Variants in KDM4C observed in about 807,000 individuals in gnomAD.
KDM4C encodes lysine-specific demethylase 4C.
Under a neutral mutation model 129.3 loss-of-function variants are expected in KDM4C, and 81 were observed. The ratio of observed to expected loss-of-function variants is 0.63; its 90% confidence interval spans 0.52 to 0.75. The LOEUF is 0.75. KDM4C is among the 30% of genes least tolerant of loss of function. The probability of loss-of-function intolerance (pLI) is 0.00; values close to 1 mark genes in which losing one functional copy is unlikely to be tolerated. For synonymous variants in KDM4C, 573 were observed against 456.1 expected, an observed-to-expected ratio of 1.26 and a Z score of -3.26; for missense variants, 1,457 against 1,304.0, an observed-to-expected ratio of 1.12 and a Z score of -1.81.
chr9:6,784,389 T>C (rs1431774303), intron 1 of KDM4C, among the ~76,000 whole-genome samples: 1 of 152,132 alleles, frequency 6.6e-6, no homozygotes. Flanking sequence ...CCACCATGCC[T>C]GGCTAATTTT....
chr9:6,941,149 G>C (rs1825864918), intron 8 of KDM4C, among the ~76,000 whole-genome samples: 1 of 151,800 alleles, frequency 6.6e-6, no homozygotes, highest in Admixed American at 6.6e-5. Context: ...TTGTGCCTCA[G>C]CCTCCCAAGC....
At chr9:6,814,056 T>C (rs1295744006) in intron 3 of KDM4C, among the ~76,000 whole-genome samples, 5 of 152,200 alleles carry the variant, frequency 3.3e-5, no homozygotes, top group Non-Finnish European at 7.4e-5. Flanking sequence ...GGGTCAGATA[T>C]GTCAATTTTT....
intron 8 of KDM4C, among the ~76,000 whole-genome samples, chr9:6,970,165 G>A (rs1444649191): frequency 6.6e-6 from 1 of 152,194 alleles, no homozygotes; most frequent in Non-Finnish European, 1.5e-5. Context: ...AAATCATGCG[G>A]TGCAATTTTG....
chr9:6,804,964 G>A (rs1160066104), intron 2 of KDM4C, among the ~76,000 whole-genome samples: 7 of 151,508 alleles, frequency 4.6e-5, no homozygotes, highest in Admixed American at 6.6e-5. Context: ...GCAGTGGCGC[G>A]ATCTCAGCTC....
At chr9:6,892,966 A>G in intron 7 of KDM4C, 129 bp from the exon 8 acceptor site, 1 of 585,676 alleles carries the variant, frequency 1.7e-6, no homozygotes, top group Non-Finnish European at 2.6e-6. Context: ...ATCTGGTGGA[A>G]CTCTTTTTGG....
chr9:7,095,472 A>G (rs1011018938), intron 17 of KDM4C, among the ~76,000 whole-genome samples: 1 of 152,098 alleles, frequency 6.6e-6, no homozygotes, highest in Admixed American at 6.5e-5. Context: ...TTGCTTCCAT[A>G]ATGCCAATAG....
At chr9:6,790,905 A>G (rs1490195201) in intron 1 of KDM4C, among the ~76,000 whole-genome samples, 2 of 152,138 alleles carry the variant, frequency 1.3e-5, no homozygotes, top group African/African-American at 2.4e-5. Flanking sequence ...CTGTGTTTTC[A>G]TAGTAAAACC....
chr9:6,828,379 C>G (rs1204126537), intron 4 of KDM4C, among the ~76,000 whole-genome samples: 1 of 151,912 alleles, frequency 6.6e-6, no homozygotes, highest in Non-Finnish European at 1.5e-5. Context: ...AATCTCCTGA[C>G]CTTGTGATCT....
At chr9:6,985,697 T>A (rs1017359814) in intron 10 of KDM4C, among the ~76,000 whole-genome samples, 3 of 152,140 alleles carry the variant, frequency 2.0e-5, no homozygotes, top group East Asian at 3.9e-4. Flanking sequence ...TTAAAATTTT[T>A]AAATTTTTTT....
chr9:7,010,753 T>C (rs58212305), intron 12 of KDM4C, among the ~76,000 whole-genome samples: 13,303 of 152,228 alleles, frequency 0.087, 690 homozygotes, highest in African/African-American at 0.14. Context: ...TAAAGAAATA[T>C]ACATTTTAGA....
intron 8 of KDM4C, among the ~76,000 whole-genome samples, chr9:6,955,285 G>T (rs1378873812): frequency 6.6e-6 from 1 of 152,172 alleles, no homozygotes; most frequent in Admixed American, 6.5e-5. Context: ...CCTTAGGTGG[G>T]GTAAGGCACA....
intron 17 of KDM4C, among the ~76,000 whole-genome samples, chr9:7,049,740 C>T (rs1352168644): frequency 6.6e-6 from 1 of 151,996 alleles, no homozygotes; most frequent in Non-Finnish European, 1.5e-5. Context: ...AAAAATCTTC[C>T]CATTGGTTTC....
At position 6,790,979 on chromosome 9, in the gene KDM4C, ACTC is replaced by A. The variant is rs1826473344; in HGVS notation, c.-17-1990_-17-1988del. On this transcript the variant is annotated intron_variant, in intron 1 of 21. Coordinates refer to ENST00000381309, the MANE Select transcript of KDM4C (RefSeq NM_015061.6). ...TTCTATGCTCCAGACACATTATTAA[ACTC>A]CTGTCCGTTCCAGCGGTACTTCCAG... Among the ~76,000 whole-genome samples, 3 of 151,742 alleles carry A rather than the reference ACTC, an allele frequency of 2.0e-5. No individual in the cohort carries two copies. The South Asian group carries it at 6.3e-4, about 32-fold the overall frequency.
At position 7,174,668 on chromosome 9, in the gene KDM4C, A is replaced by T; in HGVS notation, c.3110A>T (p.Asp1037Val). ...AGGTTTAAGAATGAATATGTGGCCGACCCTGTATACCGCACTTTTTTGAAG... is the reference window on the plus strand; with the variant it reads ...AGGTTTAAGAATGAATATGTGGCCGTCCCTGTATACCGCACTTTTTTGAAG... ...SSRFKNEYVA[D>V]PVYRTFLKSS... Residue 1037 changes from aspartate (D) to valine (V), a missense_variant, in exon 22 of 22, where the codon GAC becomes GTC. Asp to Val is a radical substitution (Grantham distance 152). Coordinates refer to ENST00000381309, the MANE Select transcript of KDM4C (RefSeq NM_015061.6). 1 of 1,614,104 alleles carries T rather than the reference A, an allele frequency of 6.2e-7. No homozygotes were observed. Among genetic ancestry groups the T allele is most frequent in the Non-Finnish European group, 8.5e-7 (1 of 1,179,984 alleles).
chr9:7,116,769 C>T (rs1002211847), intron 18 of KDM4C, among the ~76,000 whole-genome samples: 1 of 152,162 alleles, frequency 6.6e-6, no homozygotes, highest in African/African-American at 2.4e-5. Context: ...AGTTGCTTCT[C>T]CTGAAGTCCA....
At chr9:6,878,830 C>T (rs1843988581) in intron 5 of KDM4C, among the ~76,000 whole-genome samples, 1 of 150,742 alleles carries the variant, frequency 6.6e-6, no homozygotes, top group African/African-American at 2.5e-5. Context: ...CCCACACCCA[C>T]ACCCCTTTTC....
At chr9:6,853,938 G>T (rs1391522613) in intron 5 of KDM4C, among the ~76,000 whole-genome samples, 2 of 151,852 alleles carry the variant, frequency 1.3e-5, no homozygotes, top group African/African-American at 2.4e-5. Context: ...TATCTAGGAG[G>T]GTCCAGGTAT....
At chr9:7,104,927 G>T (rs950908089) in intron 18 of KDM4C, among the ~76,000 whole-genome samples, 1 of 151,976 alleles carries the variant, frequency 6.6e-6, no homozygotes, top group Non-Finnish European at 1.5e-5. Context: ...TGATGTTTGT[G>T]GGCTGGGGAT....
chr9:6,966,768 C>A (rs1424893287), intron 8 of KDM4C, among the ~76,000 whole-genome samples: 1 of 152,088 alleles, frequency 6.6e-6, no homozygotes, highest in Non-Finnish European at 1.5e-5. Flanking sequence ...AACCTTGAAC[C>A]TCACCATACA....
Sources: gnomAD v4.1 joint callset for allele counts (sites outside exome capture counted in the v4.1 genomes callset) on GRCh38, gnomAD v4.1.1 for gene constraint, MANE v1.5 for transcripts, NCBI Gene and HGNC (gene_info 2026-07-23, HGNC 2026-07-21) for gene names.